Variants in PLS1 observed in about 807,000 individuals in gnomAD.
PLS1 encodes plastin-1.
In PLS1, 32 loss-of-function variants were observed where a neutral mutation model predicts 73.7. The ratio of observed to expected loss-of-function variants is 0.43; its 90% confidence interval spans 0.33 to 0.58. PLS1 has a LOEUF of 0.58. Ranked by LOEUF, PLS1 falls within the 20% of genes least tolerant of loss-of-function variation. PLS1 has a pLI of 0.04. For synonymous variants in PLS1, 217 were observed against 261.3 expected (o/e 0.83, Z 1.63); for missense variants, 633 against 740.5 (o/e 0.85, Z 1.68).
chr3:142,646,976 C>T (rs1035402007), intron 1 of PLS1, among the ~76,000 whole-genome samples: 16 of 152,046 alleles, frequency 1.1e-4, no homozygotes, highest in African/African-American at 3.9e-4. Context: ...TGAGAATATC[C>T]CTTCTTTTCT....
chr3:142,672,704 A>G (rs2037631419), intron 4 of PLS1, among the ~76,000 whole-genome samples: 1 of 152,178 alleles, frequency 6.6e-6, no homozygotes. Context: ...ATACACCTAT[A>G]TAACTATTCT....
rs2140436 is a variant in PLS1, at chr3:142,670,827, G to T, written c.235-166G>T. ...TGGGGTTCAAGTATTTGTCTATTTTGTGTTATTGGTAAAATGATGAAAGTT... is the reference window on the plus strand; with the variant it reads ...TGGGGTTCAAGTATTTGTCTATTTTTTGTTATTGGTAAAATGATGAAAGTT... On this transcript the variant is annotated intron_variant, in intron 3 of 15. Transcript: ENST00000457734. 0.089 allele frequency among the ~76,000 whole-genome samples: 13,488 copies of T among 152,130 alleles called. 721 individuals are homozygous for T. The highest frequency in any genetic ancestry group is 0.12 in the Non-Finnish European group (8,251 of 67,970).
intron 9 of PLS1, among the ~76,000 whole-genome samples, chr3:142,688,236 C>A (rs1577894552): frequency 6.6e-6 from 1 of 152,174 alleles, no homozygotes; most frequent in East Asian, 1.9e-4. Context: ...GCATGAGCCA[C>A]CACGTCCAGC....
intron 6 of PLS1, among the ~76,000 whole-genome samples, chr3:142,680,984 G>A (rs909843595): frequency 6.6e-6 from 1 of 152,112 alleles, no homozygotes; most frequent in Admixed American, 6.6e-5. Flanking sequence ...TTCAGCTACT[G>A]TTAACCTGTG....
At chr3:142,672,739 A>G (rs1391885656) in intron 4 of PLS1, among the ~76,000 whole-genome samples, 1 of 152,204 alleles carries the variant, frequency 6.6e-6, no homozygotes, top group Non-Finnish European at 1.5e-5. Context: ...GGAATATTTA[A>G]TGGCTTTTAT....
chr3:142,700,317 T>TTTTA (rs370206449), intron 12 of PLS1, among the ~76,000 whole-genome samples: 9,908 of 150,862 alleles, frequency 0.066, 1,036 homozygotes, highest in African/African-American at 0.22. Flanking sequence ...ATTATTATTA[T>TTTTA]TTTATTTATT....
chr3:142,604,848 T>C (rs1348252912), intron 1 of PLS1, among the ~76,000 whole-genome samples: 1 of 151,000 alleles, frequency 6.6e-6, no homozygotes, highest in Admixed American at 6.6e-5. Context: ...GGCAGGAGAA[T>C]GGCGTGAACC....
chr3:142,646,118 C>T (rs372984034), intron 1 of PLS1, among the ~76,000 whole-genome samples: 6 of 152,114 alleles, frequency 3.9e-5, no homozygotes, highest in South Asian at 2.1e-4. Context: ...TTCTAAAGTG[C>T]GAACTGTAAT....
intron 1 of PLS1, among the ~76,000 whole-genome samples, chr3:142,628,375 C>T (rs75997903): frequency 1.4e-3 from 47 of 32,418 alleles, no homozygotes; most frequent in Middle Eastern, 0.016. Flanking sequence ...CATGTGTGCG[C>T]GCACATGTGC....
intron 1 of PLS1, among the ~76,000 whole-genome samples, chr3:142,614,382 T>C (rs568441316): frequency 9.9e-5 from 15 of 152,194 alleles, no homozygotes; most frequent in Non-Finnish European, 1.8e-4. Flanking sequence ...AAGAAGGCAG[T>C]GAAAGAATGA....
intron 1 of PLS1, among the ~76,000 whole-genome samples, chr3:142,641,115 T>C (rs992789035): frequency 1.3e-5 from 2 of 149,136 alleles, no homozygotes; most frequent in African/African-American, 4.9e-5. Context: ...AGCTAATGAT[T>C]GTACCACTGT....
At chr3:142,620,265 C>T (rs954284080) in intron 1 of PLS1, among the ~76,000 whole-genome samples, 2 of 152,138 alleles carry the variant, frequency 1.3e-5, no homozygotes, top group African/African-American at 2.4e-5. Flanking sequence ...GCTGGGATTA[C>T]AGGCACCTGC....
At chr3:142,677,975 ATAAAC>A (rs1478738458) in intron 5 of PLS1, 52 bp from the exon 6 acceptor site, 1 of 805,462 alleles carries the variant, frequency 1.2e-6, no homozygotes, top group African/African-American at 1.8e-5. Flanking sequence ...GTTTGCAATA[ATAAAC>A]TAAAAAAATT....
Position 142,671,120 on chromosome 3 carries a change from C to T in PLS1, c.362C>T (p.Ser121Leu). ...ISSEGTQHSY[S>L]EEEKVAFVNW... The stretch of plus-strand genomic sequence containing the variant: ...AGTGAGGGCACACAGCATTCTTATT[C>T]AGGTAACTGACTTCTCCAAATTTGA... Residue 121 changes from serine (S) to leucine (L), a missense_variant and splice_region_variant, in exon 4 of 16, where the codon TCA (serine) becomes TTA (leucine). Transcript: ENST00000457734. 1.9e-6 allele frequency: 3 copies of T among 1,610,196 alleles called. No homozygotes were observed. Among genetic ancestry groups the T allele is most frequent in the Non-Finnish European group, 1.7e-6 (2 of 1,177,444 alleles).
chr3:142,709,045 TAA>T (rs561273261), intron 14 of PLS1, among the ~76,000 whole-genome samples: 84 of 152,304 alleles, frequency 5.5e-4, no homozygotes, highest in African/African-American at 2.0e-3. Flanking sequence ...CACAATTAAA[TAA>T]GTCACTTGTA....
At chr3:142,667,197 A>C (rs558807554) in intron 2 of PLS1, among the ~76,000 whole-genome samples, 12 of 152,314 alleles carry the variant, frequency 7.9e-5, no homozygotes, top group African/African-American at 2.9e-4. Context: ...CAGGCGGATC[A>C]CAAGGTCAAG....
intron 9 of PLS1, among the ~76,000 whole-genome samples, chr3:142,686,845 A>G (rs144572153): frequency 7.9e-5 from 12 of 152,328 alleles, no homozygotes; most frequent in African/African-American, 2.4e-4. Context: ...TGTGGAATCA[A>G]TCCTACATTC....
intron 3 of PLS1, 101 bp downstream of exon 3, chr3:142,669,654 A>G (rs2037563078): frequency 1.5e-6 from 1 of 668,194 alleles, no homozygotes; most frequent in African/African-American, 2.0e-5. Context: ...CAGAGACCAG[A>G]AAAAGGACTG....
At chr3:142,693,790 A>C (rs2038135716) in intron 10 of PLS1, among the ~76,000 whole-genome samples, 2 of 151,850 alleles carry the variant, frequency 1.3e-5, no homozygotes, top group African/African-American at 4.8e-5. Context: ...CCTTGAGGGG[A>C]TCTTTGAGGT....
Sources: gnomAD v4.1 joint callset for allele counts (sites outside exome capture counted in the v4.1 genomes callset) on GRCh38, gnomAD v4.1.1 for gene constraint, MANE v1.5 for transcripts, NCBI Gene and HGNC (gene_info 2026-07-23, HGNC 2026-07-21) for gene names.